The following AXIN2 variants were observed in gnomAD, a reference collection of about 807,000 sequenced individuals.
AXIN2 encodes the protein axin-2.
Under a neutral mutation model 74.7 loss-of-function variants are expected in AXIN2, and 21 were observed. The observed-to-expected ratio is 0.28, with a 90% CI of 0.20 to 0.40. The LOEUF is 0.40. AXIN2 is among the 10% of genes least tolerant of loss of function. AXIN2 has a pLI of 1.00. For synonymous variants in AXIN2, 532 were observed against 454.9 expected, an observed-to-expected ratio of 1.17 and a Z score of -2.16; for missense variants, 1,144 against 1,111.1, an observed-to-expected ratio of 1.03 and a Z score of -0.42.
At chr17:65,556,930 C>G (rs963099562) in intron 2 of AXIN2, among the ~76,000 whole-genome samples, 2 of 152,100 alleles carry the variant, frequency 1.3e-5, no homozygotes, top group Admixed American at 6.5e-5. Flanking sequence ...ATTTGGAAGT[C>G]GGGAGGAGGG....
Position 65,536,505 on chromosome 17 carries a change from A to T in AXIN2, c.1956T>A (p.Ser652=), listed in dbSNP as rs2043920650. Residue 652 remains serine (S), a synonymous_variant, in exon 8 of 11, where the codon TCT becomes TCA. Transcript: ENST00000307078. ...GGTGCCGGCTGGCTCGTTCGCCTGG[A>T]GACGAGCGGGCAGACTCCAAGGGGT... ...KAYPLESARS[S]PGERASRHHL... 1 of 1,613,724 alleles carries T rather than the reference A, an allele frequency of 6.2e-7. No individual in the cohort carries two copies. The highest frequency in any genetic ancestry group is 2.2e-5 in the East Asian group (1 of 44,888).
In AXIN2 at chr17:65,537,697, G is replaced by T; in HGVS notation, c.1339C>A (p.Leu447Ile). 6.4e-7 allele frequency: 1 copy of T among 1,556,738 alleles called. No homozygotes were observed. The highest frequency in any genetic ancestry group is 1.4e-5 in the African/African-American group (1 of 73,722). Residue 447 changes from leucine to isoleucine, a missense_variant, in exon 6 of 11, where the codon CTC becomes ATC. Transcript: ENST00000307078. The stretch of plus-strand genomic sequence containing the variant: ...GGAGACTGGCAGCCAGGGGTCTTGA[G>T]GACCCTGGACAGGTGATCGTCCAGT... Reference protein sequence around the residue: ...TILDDHLSRVLKTPGCQSPGV... With the variant: ...TILDDHLSRVIKTPGCQSPGV...
intron 9 of AXIN2, among the ~76,000 whole-genome samples, 180 bp downstream of exon 9, chr17:65,535,446 G>A (rs1475511747): frequency 1.3e-5 from 2 of 152,214 alleles, no homozygotes; most frequent in Non-Finnish European, 2.9e-5. Context: ...TTGCTATGAT[G>A]CATTTGTCGG....
chr17:65,533,062 G>T (rs373595505), intron 10 of AXIN2, among the ~76,000 whole-genome samples: 1 of 152,230 alleles, frequency 6.6e-6, no homozygotes, highest in African/African-American at 2.4e-5. Context: ...TGCTCCTTAC[G>T]AGGGAAATGA....
rs1598100816 is a variant in AXIN2, at chr17:65,538,233, G to T, written c.1170C>A (p.Ser390Arg). 1 of 1,614,058 alleles carries T rather than the reference G, an allele frequency of 6.2e-7. No individual in the cohort carries two copies. Among genetic ancestry groups the T allele is most frequent in the African/African-American group, 1.3e-5 (1 of 74,946 alleles). The change falls in exon 5 of 11, where the codon AGC becomes AGA. Residue 390 changes from serine (S) to arginine (R), a missense_variant. Coordinates refer to ENST00000307078, the MANE Select transcript of AXIN2 (RefSeq NM_004655.4). ...KLKLELESRH[S>R]LEERLQQIRE... is the part of the protein sequence containing the mutation. ...GGATCTGCTGCAGGCGCTCCTCCAG[G>T]CTGTGGCGGCTCTCCAACTCCAGCT...
At position 65,535,681 on chromosome 17, in the gene AXIN2, C is replaced by T. The variant is rs141260153; in HGVS notation, c.2182G>A (p.Ala728Thr). The stretch of plus-strand genomic sequence containing the variant: ...GGTGTGGCTCCCGTCTGAACAGTGG[C>T]CGAATGATTCCTGTCCCTCTGCTGA... ...ASQQRDRNHS[A>T]TVQTGATPFS... Residue 728 changes from alanine to threonine, a missense_variant, in exon 9 of 11, where the codon GCC becomes ACC. Around this residue, in one of 4 missense-constraint regions of AXIN2, gnomAD observed 1,053 missense variants for 973.5 expected, o/e 1.08. Transcript: ENST00000307078. The T allele has an allele frequency of 3.2e-5, 52 of 1,614,064 alleles. No individual in the cohort carries two copies. Among genetic ancestry groups the T allele is most frequent in the African/African-American group, 1.7e-4 (13 of 74,910 alleles).
chr17:65,538,005 C>CGCATAT lies in AXIN2; in HGVS notation c.1201-176_1201-171dup, dbSNP rs1448648047. The CGCATAT allele has an allele frequency of 3.1e-6, 4 of 1,304,130 alleles. No individual in the cohort carries two copies. In the East Asian group the frequency reaches 1.0e-4, roughly 33 times the overall value. The allele number at this position is 1,304,130 out of a possible 1,614,324, so 80.8% of individuals were successfully genotyped here. A position where few individuals can be genotyped will look rare whatever the true frequency, so the allele number is the denominator to read the frequency against. Reference sequence around the variant, plus strand: ...CCGCCTACACAAGCACATATCCACACGCATATGCACACCCACACGCAACCC... The same window carrying CGCATAT: ...CCGCCTACACAAGCACATATCCACACGCATATGCATATGCACACCCACACGCAACCC... On this transcript the variant is annotated intron_variant, in intron 5 of 10. Coordinates refer to ENST00000307078, the MANE Select transcript of AXIN2 (RefSeq NM_004655.4).
chr17:65,558,335 G>C lies in AXIN2; in HGVS notation c.286C>G (p.Arg96Gly), dbSNP rs2144588573. ...CATTTCTCCCTCTCCAGGAAAGTTC[G>C]GAACAGGTAAGCACCGTCTTGATCG... ...LGDQDGAYLF[R>G]TFLEREKCVD... Residue 96 changes from arginine (R) to glycine (G), a missense_variant, in exon 2 of 11, where the codon CGA (arginine) becomes GGA (glycine). Arg to Gly is a moderately radical substitution (Grantham distance 125, BLOSUM62 -2). Transcript: ENST00000307078. 1 of 1,614,194 alleles carries C rather than the reference G, an allele frequency of 6.2e-7. No individual in the cohort carries two copies. The highest frequency in any genetic ancestry group is 8.5e-7 in the Non-Finnish European group (1 of 1,180,036).
chr17:65,557,515 C>G (rs923917863), intron 2 of AXIN2, among the ~76,000 whole-genome samples: 2 of 152,216 alleles, frequency 1.3e-5, no homozygotes, highest in African/African-American at 4.8e-5. Context: ...TCCTCTCTCT[C>G]TCTCTCAACC....
At chr17:65,537,204 G>C in intron 6 of AXIN2, 120 bp downstream of exon 6, 1 of 1,545,956 alleles carries the variant, frequency 6.5e-7, no homozygotes, top group Non-Finnish European at 8.9e-7. Flanking sequence ...ACCCGGCCGT[G>C]CACTCTGCCG....
chr17:65,534,398 T>C (rs1439849716), intron 9 of AXIN2, among the ~76,000 whole-genome samples: 1 of 152,130 alleles, frequency 6.6e-6, no homozygotes. Flanking sequence ...CTGGCATAAA[T>C]GGGGTGCTTC....
At chr17:65,556,619 C>T (rs1467023348) in intron 2 of AXIN2, among the ~76,000 whole-genome samples, 3 of 152,158 alleles carry the variant, frequency 2.0e-5, no homozygotes, top group African/African-American at 4.8e-5. Flanking sequence ...CGCCAACAGT[C>T]AACTCTCTCT....
chr17:65,549,532 G>C lies in AXIN2; in HGVS notation c.944C>G (p.Thr315Arg), dbSNP rs747647668. Reference sequence around the variant, plus strand: ...CCAGGATACTCACACACTGCTGTCCGTCATGGACATGGAATCATCCGTCAG... The same window carrying C: ...CCAGGATACTCACACACTGCTGTCCCTCATGGACATGGAATCATCCGTCAG... ...DALTDDSMSM[T>R]DSSVDGIPPY... The change falls in exon 3 of 11, where the codon ACG becomes AGG. Residue 315 changes from threonine (T) to arginine (R), a missense_variant. Thr to Arg is a moderately conservative substitution (Grantham distance 71). Around this residue, in one of 4 missense-constraint regions of AXIN2, gnomAD observed 1,053 missense variants for 973.5 expected, o/e 1.08. Transcript: ENST00000307078. The C allele has an allele frequency of 6.2e-7, 1 of 1,612,496 alleles. No individual in the cohort carries two copies. Among genetic ancestry groups the C allele is most frequent in the Non-Finnish European group, 8.5e-7 (1 of 1,179,306 alleles).
chr17:65,548,426 A>G (rs2044145834), intron 3 of AXIN2, among the ~76,000 whole-genome samples: 1 of 152,246 alleles, frequency 6.6e-6, no homozygotes, highest in Non-Finnish European at 1.5e-5. Context: ...AGTTTTAGGA[A>G]GCTAAAAGGA....
At chr17:65,542,383 T>C (rs570260514) in intron 3 of AXIN2, among the ~76,000 whole-genome samples, 31 of 152,294 alleles carry the variant, frequency 2.0e-4, no homozygotes, top group African/African-American at 7.0e-4. Flanking sequence ...TACATTCTAA[T>C]GGGGAGGCAC....
intron 3 of AXIN2, among the ~76,000 whole-genome samples, chr17:65,545,399 AT>A (rs1567761281): frequency 1.3e-5 from 2 of 152,188 alleles, no homozygotes; most frequent in South Asian, 2.1e-4. Context: ...CGTTAAAAAA[AT>A]TTTTTTTGGC....
At position 65,558,395 on chromosome 17, in the gene AXIN2, T is replaced by C. The variant is rs2044306936; in HGVS notation, c.226A>G (p.Thr76Ala). 6.2e-7 allele frequency: 1 copy of C among 1,606,856 alleles called. No homozygotes were observed. The highest frequency in any genetic ancestry group is 1.1e-5 in the South Asian group (1 of 90,598). The change falls in exon 2 of 11, where the codon ACC becomes GCC. Residue 76 changes from threonine to alanine, a missense_variant. Coordinates refer to ENST00000307078, the MANE Select transcript of AXIN2 (RefSeq NM_004655.4). ...EGRASPDSPL[T>A]RWTKSLHSLL... The stretch of plus-strand genomic sequence containing the variant: ...GAGTGTAAGGACTTGGTCCACCGGG[T>C]CAGAGGGGAATCCGGAGATGCCCGC...
rs778840560 is a variant in AXIN2 at position 65,536,861 on chromosome 17, G to A, written c.1907+8C>T. On this transcript the variant is annotated splice_region_variant and intron_variant, in intron 7 of 10. Coordinates refer to ENST00000307078, the MANE Select transcript of AXIN2 (RefSeq NM_004655.4). The stretch of plus-strand genomic sequence containing the variant: ...CTCGCGGCCGCGGCGGCGGCAAGCG[G>A]TGTTTACCTATGGGGCTTGGGCTTG... 1 of 1,612,994 alleles carries A rather than the reference G, an allele frequency of 6.2e-7. No individual in the cohort carries two copies. The highest frequency in any genetic ancestry group is 2.2e-5 in the East Asian group (1 of 44,878).
At chr17:65,537,886 A>G in intron 5 of AXIN2, 51 bp from the exon 6 acceptor site, 1 of 1,499,774 alleles carries the variant, frequency 6.7e-7, no homozygotes, top group South Asian at 1.4e-5. Context: ...CAGAAGGGCC[A>G]GAGGCCCTGG....
Sources: gnomAD v4.1 joint callset for allele counts (sites outside exome capture counted in the v4.1 genomes callset) on GRCh38, gnomAD v4.1.1 for gene constraint, gnomAD v4.1.1 regional missense constraint, MANE v1.5 for transcripts, NCBI Gene and HGNC (gene_info 2026-07-23, HGNC 2026-07-21) for gene names.